Variants in ITPRID1 observed in about 807,000 individuals in gnomAD.
ITPRID1 encodes protein ITPRID1.
Under a neutral mutation model 95.4 loss-of-function variants are expected in ITPRID1, and 96 were observed. The observed-to-expected ratio is 1.01, with a 90% CI of 0.85 to 1.19. ITPRID1 has a LOEUF of 1.19. Among genes scored for constraint, ITPRID1 ranks in the 50% most tolerant of loss-of-function variants. The pLI is 0.00. For missense variants in ITPRID1, 1,339 were observed against 1,252.9 expected, an observed-to-expected ratio of 1.07 and a Z score of -1.04; for synonymous variants, 510 against 453.6, an observed-to-expected ratio of 1.12 and a Z score of -1.58.
intron 10 of ITPRID1, among the ~76,000 whole-genome samples, chr7:31,604,708 T>C (rs1786539410): frequency 6.6e-6 from 1 of 152,242 alleles, no homozygotes; most frequent in Non-Finnish European, 1.5e-5. Flanking sequence ...TTTTCTATGC[T>C]TCCTATAAAA....
intron 10 of ITPRID1, among the ~76,000 whole-genome samples, chr7:31,639,691 C>T (rs754604475): frequency 6.6e-6 from 1 of 151,862 alleles, no homozygotes; most frequent in Non-Finnish European, 1.5e-5. Context: ...TGCCTGCCAC[C>T]ATGCCCGGCT....
chr7:31,600,269 A>C (rs1786336387), intron 10 of ITPRID1, among the ~76,000 whole-genome samples: 1 of 152,238 alleles, frequency 6.6e-6, no homozygotes, highest in African/African-American at 2.4e-5. Context: ...GGAATATAAC[A>C]ATATGTATCA....
chr7:31,531,085 G>A (rs1783583110), intron 1 of ITPRID1, among the ~76,000 whole-genome samples: 1 of 152,216 alleles, frequency 6.6e-6, no homozygotes, highest in Admixed American at 6.5e-5. Flanking sequence ...GACTTTAGAG[G>A]GAGCCCAAAT....
intron 1 of ITPRID1, among the ~76,000 whole-genome samples, chr7:31,527,368 A>T (rs1412096837): frequency 6.6e-6 from 1 of 152,136 alleles, no homozygotes; most frequent in Non-Finnish European, 1.5e-5. Flanking sequence ...TCAAAAACTC[A>T]CTTTGTGACA....
At chr7:31,583,828 CCTT>C (rs1466794189) in intron 10 of ITPRID1, among the ~76,000 whole-genome samples, 1 of 152,094 alleles carries the variant, frequency 6.6e-6, no homozygotes, top group Non-Finnish European at 1.5e-5. Flanking sequence ...CTTTTTCACT[CCTT>C]CTACCAACTG....
intron 1 of ITPRID1, among the ~76,000 whole-genome samples, chr7:31,544,649 C>A (rs2128134006): frequency 6.6e-6 from 1 of 152,242 alleles, no homozygotes; most frequent in African/African-American, 2.4e-5. Context: ...TGCCTCATAA[C>A]ATAGTTTGTA....
chr7:31,620,778 G>C (rs116913070), intron 10 of ITPRID1, among the ~76,000 whole-genome samples: 1 of 152,198 alleles, frequency 6.6e-6, no homozygotes, highest in African/African-American at 2.4e-5. Context: ...TTGAGGAGGC[G>C]AGAGAAGAAG....
At chr7:31,523,605 G>A (rs562956403) in intron 1 of ITPRID1, among the ~76,000 whole-genome samples, 1 of 152,304 alleles carries the variant, frequency 6.6e-6, no homozygotes, top group South Asian at 2.1e-4. Context: ...TCCTGGCTTG[G>A]TCCTGTCCTC....
At chr7:31,649,205 A>T (rs1673492565) in intron 12 of ITPRID1, among the ~76,000 whole-genome samples, 1 of 152,274 alleles carries the variant, frequency 6.6e-6, no homozygotes, top group African/African-American at 2.4e-5. Flanking sequence ...ATATAAAAAC[A>T]TTACTCTTAG....
chr7:31,514,969 C>G (rs1282237149), intron 1 of ITPRID1, among the ~76,000 whole-genome samples: 2 of 151,902 alleles, frequency 1.3e-5, no homozygotes, highest in African/African-American at 2.4e-5. Flanking sequence ...CTCACTTCTC[C>G]TGGTTCAGAC....
chr7:31,600,625 T>G (rs1020197083), intron 10 of ITPRID1, among the ~76,000 whole-genome samples: 1 of 152,242 alleles, frequency 6.6e-6, no homozygotes, highest in Non-Finnish European at 1.5e-5. Flanking sequence ...TTTCCCATGA[T>G]TCTTCCCTTG....
chr7:31,643,032 C>T lies in ITPRID1; in HGVS notation c.1662C>T (p.Thr554=), dbSNP rs1442953816. 5.0e-6 allele frequency: 8 copies of T among 1,614,016 alleles called. No homozygotes were observed. The highest frequency in any genetic ancestry group is 5.9e-6 in the Non-Finnish European group (7 of 1,179,886). Residue 554 remains threonine (T), a synonymous_variant, in exon 12 of 15, where the codon ACC becomes ACT. Transcript: ENST00000615280. ...TGCCCCATGCTGAGTATGAGGTCAC[C>T]AGACCCACAGCCACTTCCAAATATG... The part of the protein sequence containing the change: ...LPMPHAEYEV[T]RPTATSKYDH...
rs1738643820 is a variant in ITPRID1, at chr7:31,643,892, A to T, written c.2522A>T (p.Glu841Val). The change falls in exon 12 of 15, where the codon GAA (glutamate) becomes GTA (valine). Residue 841 changes from glutamate (E) to valine (V), a missense_variant. Physicochemically the swap from Glu to Val is moderately radical, Grantham distance 121 (BLOSUM62 -2). Transcript: ENST00000615280. ...CTGTGTTCACTAACTGGTCACCAGG[A>T]AGCCCAGTTCATGACGACTTTGAAA... ...HCLCSLTGHQ[E>V]AQFMTTLKAL... is the part of the protein sequence containing the mutation. 19 of 1,613,930 alleles carry T rather than the reference A, an allele frequency of 1.2e-5. No homozygotes were observed. Among genetic ancestry groups the T allele is most frequent in the Non-Finnish European group, 1.4e-5 (17 of 1,179,896 alleles).
At chr7:31,637,581 G>T (rs1292573889) in intron 10 of ITPRID1, among the ~76,000 whole-genome samples, 2 of 152,140 alleles carry the variant, frequency 1.3e-5, no homozygotes, top group Non-Finnish European at 2.9e-5. Flanking sequence ...TTTTGATGGG[G>T]TTGTTTGTTT....
rs1272192710 is a variant in ITPRID1, at chr7:31,655,152, G to T, written c.*2323G>T. Reference sequence around the variant, plus strand: ...ACATTTTGACCTGGAAGACTTGGCTGTATGTCTCACTCTTGGCTAAAGCTG... The same window carrying T: ...ACATTTTGACCTGGAAGACTTGGCTTTATGTCTCACTCTTGGCTAAAGCTG... On this transcript the variant is annotated 3_prime_UTR_variant, in exon 15 of 15. Coordinates refer to ENST00000615280, the MANE Select transcript of ITPRID1 (RefSeq NM_001257967.3). Among the ~76,000 whole-genome samples, 2 of 152,108 alleles carry T rather than the reference G, an allele frequency of 1.3e-5. No individual in the cohort carries two copies. Among genetic ancestry groups the T allele is most frequent in the Non-Finnish European group, 2.9e-5 (2 of 68,020 alleles).
chr7:31,612,870 A>T (rs557338204), intron 10 of ITPRID1, among the ~76,000 whole-genome samples: 2 of 152,140 alleles, frequency 1.3e-5, no homozygotes, highest in Non-Finnish European at 2.9e-5. Context: ...AATATGTCAG[A>T]GTTTTTCAAA....
intron 5 of ITPRID1, among the ~76,000 whole-genome samples, chr7:31,558,423 G>A (rs7810337): frequency 0.58 from 87,654 of 151,934 alleles, 26,478 homozygotes; most frequent in Middle Eastern, 0.71. Flanking sequence ...CAGCCCTTTG[G>A]GACCACAACA....
At chr7:31,532,300 T>C (rs1018284466) in intron 1 of ITPRID1, among the ~76,000 whole-genome samples, 2 of 152,234 alleles carry the variant, frequency 1.3e-5, no homozygotes, top group African/African-American at 2.4e-5. Context: ...CTGTTTGTTA[T>C]GTTGCCCATT....
rs1020465319 is a variant in ITPRID1 at position 31,524,843 on chromosome 7, G to C, written c.-98+10723G>C. ...CTTACAAAGAGAGTTCCTTAATTTA[G>C]GAAGAATATCTTATTTTTATATCAA... On this transcript the variant is annotated intron_variant, in intron 1 of 14. Coordinates refer to ENST00000615280, the MANE Select transcript of ITPRID1 (RefSeq NM_001257967.3). Among the ~76,000 whole-genome samples the C allele has an allele frequency of 4.6e-5, 7 of 152,038 alleles. 1 individual carries two copies. The highest frequency in any genetic ancestry group is 1.0e-4 in the Non-Finnish European group (7 of 67,980).
Sources: gnomAD v4.1 joint callset for allele counts (sites outside exome capture counted in the v4.1 genomes callset) on GRCh38, gnomAD v4.1.1 for gene constraint, MANE v1.5 for transcripts, NCBI Gene and HGNC (gene_info 2026-07-23, HGNC 2026-07-21) for gene names.